Variants in C1orf159 observed in about 807,000 individuals in gnomAD.
C1orf159 encodes the protein uncharacterized protein C1orf159.
C1orf159 carries 19 observed loss-of-function variants against 25.6 expected under a neutral mutation model. The ratio of observed to expected loss-of-function variants is 0.74; its 90% confidence interval spans 0.52 to 1.09. C1orf159 has a LOEUF of 1.09. C1orf159 is among the 50% of genes least tolerant of loss of function. C1orf159 has a pLI of 0.00. For synonymous variants in C1orf159, 139 were observed against 124.7 expected (o/e 1.12, Z -0.77); for missense variants, 274 against 290.6 (o/e 0.94, Z 0.42).
chr1:1,087,687 G>T lies in C1orf159; in HGVS notation c.149-90C>A. 2.0e-6 allele frequency: 2 copies of T among 984,510 alleles called. No homozygotes were observed. Among genetic ancestry groups the T allele is most frequent in the Non-Finnish European group, 3.0e-6 (2 of 664,846 alleles). The allele number at this position is 984,510 out of a possible 1,614,324, so 61.0% of individuals were successfully genotyped here. A position where few individuals can be genotyped will look rare whatever the true frequency, so the allele number is the denominator to read the frequency against. On this transcript the variant is annotated intron_variant, in intron 4 of 9. Coordinates refer to ENST00000421241, the MANE Select transcript of C1orf159 (RefSeq NM_017891.5). The surrounding 1 kb of genome is among the most constrained non-coding windows in gnomAD (Gnocchi z 8.3). ...AATGATTCTCTATTTGAGTTGGTGA[G>T]ATAACTTTCATTCCAGATACTAACA...
chr1:1,113,050 G>A (rs1221862648), intron 1 of C1orf159, among the ~76,000 whole-genome samples: 1 of 152,120 alleles, frequency 6.6e-6, no homozygotes, highest in African/African-American at 2.4e-5. Flanking sequence ...CAAAAAATTA[G>A]CCGGTTGTGG....
Position 1,089,177 on chromosome 1 carries a change from C to T in C1orf159, c.148+1176G>A, listed in dbSNP as rs948200566. Among the ~76,000 whole-genome samples the T allele has an allele frequency of 1.3e-5, 2 of 152,142 alleles. No individual in the cohort carries two copies. The highest frequency in any genetic ancestry group is 1.9e-4 in the East Asian group (1 of 5,182). On this transcript the variant is annotated intron_variant, in intron 4 of 9. Coordinates refer to ENST00000421241, the MANE Select transcript of C1orf159 (RefSeq NM_017891.5). This position sits in a 1 kb window ranked among gnomAD's most constrained non-coding sequence, Gnocchi z 7.5. The stretch of plus-strand genomic sequence containing the variant: ...CCGGCCCCTCCCCACGCGCGCCAGA[C>T]GGTCCCCACCCTGCGCCTGTGCATG...
intron 9 of C1orf159, chr1:1,083,984 G>C: frequency 6.2e-7 from 1 of 1,604,678 alleles, no homozygotes; most frequent in Non-Finnish European, 8.5e-7. Context: ...GCCTGGCGGA[G>C]GCCGGCTGCG....
chr1:1,091,495 C>T lies in C1orf159; in HGVS notation c.49G>A (p.Ala17Thr), dbSNP rs1341697804. The change falls in exon 3 of 10, where the codon GCC becomes ACC. Residue 17 changes from alanine (A) to threonine (T), a missense_variant. Coordinates refer to ENST00000421241, the MANE Select transcript of C1orf159 (RefSeq NM_017891.5). ...ACCGTGTTCTCCATGGACTTGCTGG[C>T]GACTCCCACGAGAAGGCCAGCCAGG... is the stretch of plus-strand genomic sequence containing the variant. Reference protein sequence around the residue: ...ALLAGLLVGVASKSMENTAQL... With the variant: ...ALLAGLLVGVTSKSMENTAQL... 1.5e-5 allele frequency: 24 copies of T among 1,550,234 alleles called. No individual in the cohort carries two copies. The East Asian group carries it at 2.2e-4, about 14-fold the overall frequency.
At position 1,087,151 on chromosome 1, in the gene C1orf159, G is replaced by A. The variant is rs761836332; in HGVS notation, c.298C>T (p.Arg100Trp). 54 of 1,609,330 alleles carry A rather than the reference G, an allele frequency of 3.4e-5. No individual in the cohort carries two copies. Among genetic ancestry groups the A allele is most frequent in the East Asian group, 4.5e-5 (2 of 44,892 alleles). Reference sequence around the variant, plus strand: ...TGCTGAGACTTACCAGGATGTGGCCGCCCGGGGGTCCCTGAGCTTCTGTTC... The same window carrying A: ...TGCTGAGACTTACCAGGATGTGGCCACCCGGGGGTCCCTGAGCTTCTGTTC... Reference protein sequence around the residue: ...PMNRSSGTPGRPHPGAPRVAA... With the variant: ...PMNRSSGTPGWPHPGAPRVAA... The change falls in exon 6 of 10, where the codon CGG (arginine) becomes TGG (tryptophan). Residue 100 changes from arginine to tryptophan, a missense_variant. By Grantham distance (101) the Arg-to-Trp change is moderately radical (BLOSUM62 -3). Transcript: ENST00000421241. The surrounding 1 kb of genome is among the most constrained non-coding windows in gnomAD (Gnocchi z 8.3).
At position 1,087,687 on chromosome 1, in the gene C1orf159, G is replaced by A; in HGVS notation, c.149-90C>T. On this transcript the variant is annotated intron_variant, in intron 4 of 9. Transcript: ENST00000421241. The surrounding 1 kb of genome is among the most constrained non-coding windows in gnomAD (Gnocchi z 8.3). ...AATGATTCTCTATTTGAGTTGGTGA[G>A]ATAACTTTCATTCCAGATACTAACA... 1 of 984,516 alleles carries A rather than the reference G, an allele frequency of 1.0e-6. No homozygotes were observed. The highest frequency in any genetic ancestry group is 2.3e-5 in the Admixed American group (1 of 43,268). 61.0% of individuals were successfully genotyped at this position (984,516 alleles called of 1,614,324 possible). A position where few individuals can be genotyped will look rare whatever the true frequency, so the allele number is the denominator to read the frequency against.
At chr1:1,085,505 G>C (rs1047686951) in intron 7 of C1orf159, among the ~76,000 whole-genome samples, 35 of 150,196 alleles carry the variant, frequency 2.3e-4, no homozygotes, top group African/African-American at 6.1e-4. Context: ...GAGAGGGGAG[G>C]GGGGACCATG....
rs896837966 is a variant in C1orf159, at chr1:1,087,968, A to G, written c.149-371T>C. On this transcript the variant is annotated intron_variant, in intron 4 of 9. Coordinates refer to ENST00000421241, the MANE Select transcript of C1orf159 (RefSeq NM_017891.5). The surrounding 1 kb of genome is among the most constrained non-coding windows in gnomAD (Gnocchi z 8.3). ...GAGCACCCCGGCCCTGAGCACCCCG[A>G]CCCTGAGTACTCCACACTGCGTACT... Among the ~76,000 whole-genome samples, 1 of 150,136 alleles carries G rather than the reference A, an allele frequency of 6.7e-6. No homozygotes were observed. Among genetic ancestry groups the G allele is most frequent in the African/African-American group, 2.5e-5 (1 of 40,640 alleles).
At chr1:1,091,683 G>A (rs1645939271) in intron 2 of C1orf159, 118 bp from the exon 3 acceptor site, 2 of 705,328 alleles carry the variant, frequency 2.8e-6, no homozygotes, top group Non-Finnish European at 2.5e-6. Context: ...AAGGCAAGGA[G>A]GGCAGAGCCA....
chr1:1,088,970 C>T (rs1442579309), intron 4 of C1orf159, among the ~76,000 whole-genome samples: 2 of 152,218 alleles, frequency 1.3e-5, no homozygotes, highest in Admixed American at 6.5e-5. Flanking sequence ...GCACAGGGCT[C>T]GGGCGACTTC....
chr1:1,086,203 A>C (rs10907178), intron 6 of C1orf159, among the ~76,000 whole-genome samples, 191 bp from the exon 7 acceptor site: 27,641 of 152,230 alleles, frequency 0.18, 2,694 homozygotes, highest in African/African-American at 0.24. Context: ...ATGCCTGGGC[A>C]TCTGGCCGCG....
At position 1,092,998 on chromosome 1, in the gene C1orf159, G is replaced by A. The variant is rs139707146; in HGVS notation, c.-135-895C>T. Among the ~76,000 whole-genome samples the A allele has an allele frequency of 4.9e-4, 74 of 152,092 alleles. 1 individual carries two copies. The highest frequency in any genetic ancestry group is 1.7e-3 in the African/African-American group (70 of 41,480). ...CCAGAAGGTGGAGGCTGCAGTGAAC[G>A]GAGACTGCACTCCAGCCTGTGCAAG... On this transcript the variant is annotated intron_variant, in intron 1 of 9. Transcript: ENST00000421241.
At chr1:1,102,634 A>T (rs1230606563) in intron 1 of C1orf159, among the ~76,000 whole-genome samples, 1 of 145,364 alleles carries the variant, frequency 6.9e-6, no homozygotes, top group Non-Finnish European at 1.5e-5. Context: ...AAAAAAAAAA[A>T]AAAAAAAAAA....
chr1:1,084,237 CA>C, intron 9 of C1orf159, 115 bp downstream of exon 9: 1 of 1,520,190 alleles, frequency 6.6e-7, no homozygotes, highest in Non-Finnish European at 8.8e-7. Context: ...GGGACCCGGG[CA>C]GGGGTGGCCG....
At position 1,087,988 on chromosome 1, in the gene C1orf159, C is replaced by T. The variant is rs1457279907; in HGVS notation, c.149-391G>A. Among the ~76,000 whole-genome samples the T allele has an allele frequency of 2.6e-5, 4 of 151,954 alleles. No homozygotes were observed. Among genetic ancestry groups the T allele is most frequent in the African/African-American group, 9.7e-5 (4 of 41,330 alleles). On this transcript the variant is annotated intron_variant, in intron 4 of 9. Transcript: ENST00000421241. This position sits in a 1 kb window ranked among gnomAD's most constrained non-coding sequence, Gnocchi z 8.3. ...CCCCGACCCTGAGTACTCCACACTGCGTACTTCAGAGAGTGGTAGGCGGCA... is the reference window on the plus strand; with the variant it reads ...CCCCGACCCTGAGTACTCCACACTGTGTACTTCAGAGAGTGGTAGGCGGCA...
intron 7 of C1orf159, chr1:1,085,434 G>A (rs1645812650): frequency 1.0e-5 from 3 of 291,436 alleles, no homozygotes; most frequent in Non-Finnish European, 2.1e-5. Flanking sequence ...GTGACCGTGT[G>A]TACGGCGTGG....
chr1:1,083,836 T>C, intron 9 of C1orf159: 1 of 1,340,874 alleles, frequency 7.5e-7, no homozygotes, highest in Non-Finnish European at 1.0e-6. Context: ...TGAGCCCTGC[T>C]CATGGCCTTG....
In C1orf159 at chr1:1,087,711, C is replaced by T; in HGVS notation, c.149-114G>A. The T allele has an allele frequency of 1.2e-6, 1 of 817,498 alleles. No individual in the cohort carries two copies. The highest frequency in any genetic ancestry group is 1.9e-6 in the Non-Finnish European group (1 of 517,530). The allele number at this position is 817,498 out of a possible 1,614,324, so 50.6% of individuals were successfully genotyped here. ...AGATAACTTTCATTCCAGATACTAA[C>T]ATGCTCTGGAGGGTAGGTGGGCGGC... On this transcript the variant is annotated intron_variant, in intron 4 of 9. Transcript: ENST00000421241. This position sits in a 1 kb window ranked among gnomAD's most constrained non-coding sequence, Gnocchi z 8.3.
chr1:1,102,176 G>T (rs1363557076), intron 1 of C1orf159, among the ~76,000 whole-genome samples: 2 of 144,666 alleles, frequency 1.4e-5, no homozygotes, highest in African/African-American at 5.2e-5. Context: ...AAACATTTAT[G>T]TCTTTCACCA....
Sources: allele counts gnomAD v4.1 joint callset (sites outside exome capture counted in the v4.1 genomes callset), GRCh38; gene constraint gnomAD v4.1.1; non-coding constraint Gnocchi (gnomAD v3.1); transcripts MANE v1.5; gene names NCBI Gene and HGNC (gene_info 2026-07-23, HGNC 2026-07-21).